The following ATXN7L1 variants were observed in gnomAD, a reference collection of about 807,000 sequenced individuals.
The protein encoded by ATXN7L1 is ataxin 7 like 1, also known as ataxin-7-like protein 1.
Under a neutral mutation model 70.8 loss-of-function variants are expected in ATXN7L1, and 15 were observed. The observed-to-expected ratio is 0.21, with a 90% CI of 0.14 to 0.33. ATXN7L1 has a LOEUF of 0.33. Among genes scored for constraint, ATXN7L1 ranks in the 10% least tolerant of loss-of-function variants. ATXN7L1 has a pLI of 1.00. For synonymous variants in ATXN7L1, 440 were observed against 445.1 expected, an observed-to-expected ratio of 0.99 and a Z score of 0.14; for missense variants, 975 against 1,097.1, an observed-to-expected ratio of 0.89 and a Z score of 1.57.
chr7:105,799,686 G>A (rs1806528452), intron 2 of ATXN7L1, among the ~76,000 whole-genome samples: 1 of 152,040 alleles, frequency 6.6e-6, no homozygotes, highest in Admixed American at 6.5e-5. Flanking sequence ...TCGCCCAAAC[G>A]ATGCTGCCAG....
chr7:105,611,944 TTA>T (rs1265526307), intron 10 of ATXN7L1, among the ~76,000 whole-genome samples: 1 of 152,206 alleles, frequency 6.6e-6, no homozygotes, highest in Non-Finnish European at 1.5e-5. Flanking sequence ...ATCACCTGCG[TTA>T]GAGAACCAAT....
intron 3 of ATXN7L1, among the ~76,000 whole-genome samples, chr7:105,683,427 C>T (rs1805787073): frequency 6.6e-6 from 1 of 152,110 alleles, no homozygotes; most frequent in African/African-American, 2.4e-5. Context: ...TGCCTATAAC[C>T]CCAGAACTTT....
Position 105,866,236 on chromosome 7 carries a change from G to A in ATXN7L1, c.250+9576C>T, listed in dbSNP as rs1055822176. ...TTAGCATCACAGAATCAGGTACACC[G>A]GTAAGTGCTTCTGTGTTCAAAGAGC... On this transcript the variant is annotated intron_variant, in intron 2 of 11. Transcript: ENST00000419735. Among the ~76,000 whole-genome samples, 8 of 152,208 alleles carry A rather than the reference G, an allele frequency of 5.3e-5. 1 individual carries two copies. The highest frequency in any genetic ancestry group is 1.7e-4 in the African/African-American group (7 of 41,512).
intron 3 of ATXN7L1, among the ~76,000 whole-genome samples, chr7:105,769,374 G>A (rs989127641): frequency 2.0e-5 from 3 of 152,112 alleles, no homozygotes; most frequent in Admixed American, 2.0e-4. Flanking sequence ...ACAGGCGACG[G>A]CACACTATTT....
At chr7:105,705,109 C>G (rs921205353) in intron 3 of ATXN7L1, among the ~76,000 whole-genome samples, 1 of 152,102 alleles carries the variant, frequency 6.6e-6, no homozygotes, top group Non-Finnish European at 1.5e-5. Context: ...ACTGCAACCT[C>G]CTCCTCCTGG....
At chr7:105,759,563 G>C (rs896962711) in intron 3 of ATXN7L1, among the ~76,000 whole-genome samples, 1 of 151,210 alleles carries the variant, frequency 6.6e-6, no homozygotes, top group African/African-American at 2.4e-5. Context: ...AGAGAGACAG[G>C]AAAATGCTCA....
Position 105,624,199 on chromosome 7 carries a change from G to T in ATXN7L1, c.1271C>A (p.Pro424Gln), listed in dbSNP as rs1379794498. ...SNHSGHTPEP[P>Q]LPPVGGDLAS... Reference sequence around the variant, plus strand: ...GAGGTCACCTCCAACCGGTGGGAGTGGGGGCTCTGGAGTGTGGCCGCTATG... The same window carrying T: ...GAGGTCACCTCCAACCGGTGGGAGTTGGGGCTCTGGAGTGTGGCCGCTATG... Residue 424 changes from proline (P) to glutamine (Q), a missense_variant, in exon 8 of 12, where the codon CCA becomes CAA. Pro to Gln is a moderately conservative substitution (Grantham distance 76). Transcript: ENST00000419735. 2.0e-6 allele frequency: 3 copies of T among 1,527,288 alleles called. No homozygotes were observed. The highest frequency in any genetic ancestry group is 1.8e-6 in the Non-Finnish European group (2 of 1,133,246). 94.6% of individuals were successfully genotyped at this position (1,527,288 alleles called of 1,614,324 possible).
chr7:105,742,601 C>A (rs963177378), intron 3 of ATXN7L1, among the ~76,000 whole-genome samples: 2 of 152,162 alleles, frequency 1.3e-5, no homozygotes, highest in Non-Finnish European at 2.9e-5. Context: ...GGGATGCAGG[C>A]AATTTGGTTC....
intron 7 of ATXN7L1, among the ~76,000 whole-genome samples, chr7:105,636,732 G>A (rs1797443478): frequency 6.6e-6 from 1 of 152,168 alleles, no homozygotes; most frequent in Admixed American, 6.5e-5. Flanking sequence ...AGTCAAAGAA[G>A]GCTTTCAAAC....
chr7:105,868,191 G>A (rs1817753802), intron 2 of ATXN7L1, among the ~76,000 whole-genome samples: 1 of 152,216 alleles, frequency 6.6e-6, no homozygotes, highest in Admixed American at 6.5e-5. Context: ...TGGGAGGCCG[G>A]CACTGAGCCC....
chr7:105,773,118 G>GC (rs1554457992), intron 3 of ATXN7L1, among the ~76,000 whole-genome samples: 3 of 152,120 alleles, frequency 2.0e-5, no homozygotes, highest in Non-Finnish European at 2.9e-5. Flanking sequence ...CAGTGGTGTG[G>GC]TTTTTTTCCT....
chr7:105,665,911 G>A (rs1254050437), intron 3 of ATXN7L1, among the ~76,000 whole-genome samples: 1 of 152,190 alleles, frequency 6.6e-6, no homozygotes, highest in Non-Finnish European at 1.5e-5. Flanking sequence ...CAACGCTTGA[G>A]GCAGAATCTG....
intron 4 of ATXN7L1, among the ~76,000 whole-genome samples, chr7:105,657,700 C>A (rs1800883194): frequency 2.1e-5 from 1 of 48,216 alleles, no homozygotes. Flanking sequence ...GAGACCCTGT[C>A]TCAAAAAAAA....
At chr7:105,706,350 T>C (rs945685483) in intron 3 of ATXN7L1, among the ~76,000 whole-genome samples, 1 of 152,034 alleles carries the variant, frequency 6.6e-6, no homozygotes, top group Admixed American at 6.6e-5. Flanking sequence ...TGCATCACCA[T>C]GCCCAGCTAA....
intron 2 of ATXN7L1, among the ~76,000 whole-genome samples, chr7:105,835,581 A>T (rs1000859101): frequency 6.6e-6 from 1 of 152,082 alleles, no homozygotes; most frequent in Non-Finnish European, 1.5e-5. Flanking sequence ...GTAGACCAGC[A>T]TTTCCATTTC....
Position 105,691,098 on chromosome 7 carries a change from G to A in ATXN7L1, c.356-25810C>T, listed in dbSNP as rs535580533. 4.6e-5 allele frequency among the ~76,000 whole-genome samples: 7 copies of A among 152,270 alleles called. 1 individual carries two copies. In the South Asian group the frequency reaches 1.4e-3, roughly 32 times the overall value. ...TGTTCTTCCTCCGTCCCCCTCCCCC[G>A]TGACTCTGAGTCCTGCAGACCAGCC... On this transcript the variant is annotated intron_variant, in intron 3 of 11. Coordinates refer to ENST00000419735, the MANE Select transcript of ATXN7L1 (RefSeq NM_020725.2).
At chr7:105,823,117 G>A (rs1002208375) in intron 2 of ATXN7L1, among the ~76,000 whole-genome samples, 23 of 149,722 alleles carry the variant, frequency 1.5e-4, no homozygotes, top group Non-Finnish European at 3.3e-4. Context: ...TATATTATTA[G>A]TTACTTTTGG....
At chr7:105,619,697 G>A (rs959685111) in intron 9 of ATXN7L1, among the ~76,000 whole-genome samples, 1 of 150,712 alleles carries the variant, frequency 6.6e-6, no homozygotes, top group Non-Finnish European at 1.5e-5. Context: ...GATCATAAGT[G>A]TGTGTCATTA....
chr7:105,642,481 T>G (rs13239673), intron 5 of ATXN7L1, among the ~76,000 whole-genome samples: 73,059 of 152,118 alleles, frequency 0.48, 17,921 homozygotes, highest in South Asian at 0.64. Context: ...GCAGTGAAGC[T>G]TCTATGGAAG....
Sources: allele counts gnomAD v4.1 joint callset (sites outside exome capture counted in the v4.1 genomes callset), GRCh38; gene constraint gnomAD v4.1.1; transcripts MANE v1.5; gene names NCBI Gene and HGNC (gene_info 2026-07-23, HGNC 2026-07-21).